PCDH9: variants seen among roughly 807,000 people sequenced by gnomAD.
PCDH9 encodes protocadherin 9.
A neutral mutation model predicts 70.6 loss-of-function variants in PCDH9; 24 were observed. The ratio of observed to expected loss-of-function variants is 0.34; its 90% confidence interval spans 0.25 to 0.48. The LOEUF (loss-of-function observed/expected upper bound fraction) is 0.48. Ranked by LOEUF, PCDH9 falls within the 20% of genes least tolerant of loss-of-function variation. The pLI, the probability that PCDH9 is intolerant of heterozygous loss-of-function variation, is 0.99. For synonymous variants in PCDH9, 562 were observed against 558.5 expected (o/e 1.01, Z -0.09); for missense variants, 1,281 against 1,503.6 (o/e 0.85, Z 2.45).
At chr13:67,042,246 A>G (rs1301763065) in intron 2 of PCDH9, among the ~76,000 whole-genome samples, 2 of 152,134 alleles carry the variant, frequency 1.3e-5, no homozygotes, top group African/African-American at 4.8e-5. Flanking sequence ...GCTATAAAGA[A>G]CTGCCCGAGA....
At chr13:67,013,531 T>C (rs149402792) in intron 2 of PCDH9, among the ~76,000 whole-genome samples, 5 of 152,090 alleles carry the variant, frequency 3.3e-5, no homozygotes, top group Non-Finnish European at 7.4e-5. Flanking sequence ...CACCTGGATG[T>C]CAATTAAATT....
At chr13:66,957,122 C>G (rs2083276378) in intron 2 of PCDH9, among the ~76,000 whole-genome samples, 1 of 152,176 alleles carries the variant, frequency 6.6e-6, no homozygotes, top group Non-Finnish European at 1.5e-5. Context: ...ACTTTGGAAG[C>G]TGTGTGCTGA....
chr13:66,568,433 A>G (rs749160182), intron 4 of PCDH9, among the ~76,000 whole-genome samples: 15 of 151,276 alleles, frequency 9.9e-5, no homozygotes, highest in Non-Finnish European at 1.9e-4. Flanking sequence ...ACGCACACGC[A>G]CACGCACACA....
intron 3 of PCDH9, among the ~76,000 whole-genome samples, chr13:66,646,752 A>G (rs992807643): frequency 3.9e-5 from 6 of 152,330 alleles, no homozygotes; most frequent in Non-Finnish European, 8.8e-5. Flanking sequence ...CAAGTGAATG[A>G]TCACAGGACT....
chr13:66,431,081 A>C (rs1472638098), intron 4 of PCDH9, among the ~76,000 whole-genome samples: 1 of 152,068 alleles, frequency 6.6e-6, no homozygotes, highest in African/African-American at 2.4e-5. Flanking sequence ...AAATTTGACT[A>C]TAGCCATGTG....
chr13:66,636,572 T>C (rs780252396), intron 3 of PCDH9, among the ~76,000 whole-genome samples: 3 of 152,160 alleles, frequency 2.0e-5, no homozygotes, highest in Non-Finnish European at 2.9e-5. Flanking sequence ...ATTGATATTA[T>C]GAAAATAGAA....
At chr13:67,143,801 A>G (rs896832771) in intron 2 of PCDH9, among the ~76,000 whole-genome samples, 1 of 152,140 alleles carries the variant, frequency 6.6e-6, no homozygotes, top group Non-Finnish European at 1.5e-5. Flanking sequence ...ATGACAGAGG[A>G]TTCCATTTGA....
intron 4 of PCDH9, among the ~76,000 whole-genome samples, chr13:66,480,164 A>C (rs910847866): frequency 2.0e-5 from 3 of 152,194 alleles, no homozygotes; most frequent in Non-Finnish European, 2.9e-5. Flanking sequence ...CTCACAGATT[A>C]CTTTGAGAGG....
chr13:67,211,674 A>T (rs981156106), intron 2 of PCDH9: 3 of 152,104 alleles, frequency 2.0e-5, no homozygotes, highest in African/African-American at 7.2e-5. Flanking sequence ...ATTTAGGAAA[A>T]CATATATATA....
chr13:66,738,136 T>G (rs1030890314), intron 3 of PCDH9, among the ~76,000 whole-genome samples: 2 of 152,088 alleles, frequency 1.3e-5, no homozygotes, highest in African/African-American at 4.8e-5. Context: ...AGCACGCAGC[T>G]GGAGATCTGA....
intron 2 of PCDH9, among the ~76,000 whole-genome samples, chr13:66,989,556 C>T (rs940376438): frequency 2.0e-5 from 3 of 151,826 alleles, no homozygotes. Context: ...TATGAAATTA[C>T]TCCATGATCC....
chr13:66,608,521 G>C (rs2077250254), intron 4 of PCDH9, among the ~76,000 whole-genome samples: 1 of 152,032 alleles, frequency 6.6e-6, no homozygotes, highest in African/African-American at 2.4e-5. Context: ...TTTTGTTCCA[G>C]ATGCTTGGAA....
At chr13:66,700,933 T>TATATAA (rs2078634464) in intron 3 of PCDH9, among the ~76,000 whole-genome samples, 1 of 86,404 alleles carries the variant, frequency 1.2e-5, no homozygotes, top group Non-Finnish European at 2.4e-5. Flanking sequence ...AATATATATA[T>TATATAA]ATATATATAT....
At chr13:67,024,636 G>C (rs2084743846) in intron 2 of PCDH9, among the ~76,000 whole-genome samples, 1 of 151,956 alleles carries the variant, frequency 6.6e-6, no homozygotes, top group South Asian at 2.1e-4. Context: ...GACACTGGTA[G>C]CTTGAAATTG....
At chr13:66,805,607 C>T (rs1016845732) in intron 3 of PCDH9, among the ~76,000 whole-genome samples, 1 of 152,134 alleles carries the variant, frequency 6.6e-6, no homozygotes, top group Non-Finnish European at 1.5e-5. Context: ...GACACCCAAC[C>T]AGGTACTTGT....
intron 4 of PCDH9, among the ~76,000 whole-genome samples, chr13:66,550,954 C>T (rs1961459519): frequency 6.6e-6 from 1 of 152,148 alleles, no homozygotes; most frequent in South Asian, 2.1e-4. Flanking sequence ...TGATTAGCCC[C>T]TTGACATTAC....
At chr13:66,340,319 G>A (rs1185162142) in intron 4 of PCDH9, among the ~76,000 whole-genome samples, 1 of 152,090 alleles carries the variant, frequency 6.6e-6, no homozygotes, top group Non-Finnish European at 1.5e-5. Context: ...GGTAGATTTG[G>A]GAGGCACAAA....
rs1413243836 is a variant in PCDH9 at position 67,135,621 on chromosome 13, T to C, written c.3036+89784A>G. The stretch of plus-strand genomic sequence containing the variant: ...GTGTTTATGAGATCCCAACAATTAG[T>C]GGTTTATAAATAGCAGAGTTCTGAG... On this transcript the variant is annotated intron_variant, in intron 2 of 4. Transcript: ENST00000377865. Among the ~76,000 whole-genome samples the C allele has an allele frequency of 2.0e-5, 3 of 151,998 alleles. No homozygotes were observed. In the East Asian group the frequency reaches 5.8e-4, roughly 29 times the overall value.
At chr13:66,478,165 G>T (rs1193501979) in intron 4 of PCDH9, among the ~76,000 whole-genome samples, 1 of 152,096 alleles carries the variant, frequency 6.6e-6, no homozygotes, top group Non-Finnish European at 1.5e-5. Context: ...TGATGTTACT[G>T]TTGTCAGAAT....
Sources: allele counts gnomAD v4.1 joint callset (sites outside exome capture counted in the v4.1 genomes callset), GRCh38; gene constraint gnomAD v4.1.1; transcripts MANE v1.5; gene names NCBI Gene and HGNC (gene_info 2026-07-23, HGNC 2026-07-21).